TMEM131: variants seen among roughly 807,000 people sequenced by gnomAD.
TMEM131 encodes the protein 2610524E03Rik.
A neutral mutation model predicts 211.6 loss-of-function variants in TMEM131; 66 were observed. That is an observed-to-expected ratio of 0.31 (90% CI 0.26 to 0.38). The LOEUF (loss-of-function observed/expected upper bound fraction) is 0.38, where lower values mean the gene tolerates loss of function less well. TMEM131 is among the 10% of genes least tolerant of loss of function. The probability of loss-of-function intolerance (pLI) is 1.00; values close to 1 mark genes in which losing one functional copy is unlikely to be tolerated. For missense variants in TMEM131, 2,036 were observed against 2,299.3 expected (o/e 0.89, Z 2.34); for synonymous variants, 844 against 841.3 (o/e 1.00, Z -0.06).
At chr2:97,943,045 G>GAAAAGAAAAGA (rs767704233) in intron 1 of TMEM131, among the ~76,000 whole-genome samples, 6 of 52,708 alleles carry the variant, frequency 1.1e-4, no homozygotes, top group South Asian at 8.8e-4. Context: ...AGAAAAGAAA[G>GAAAAGAAAAGA]AAAGAAAGAA....
At chr2:97,918,056 G>T (rs1217517973) in intron 2 of TMEM131, among the ~76,000 whole-genome samples, 2 of 151,442 alleles carry the variant, frequency 1.3e-5, no homozygotes, top group African/African-American at 2.4e-5. Context: ...AAGCAATTCT[G>T]TGTCAGCCTC....
chr2:97,986,498 G>T (rs535726376), intron 1 of TMEM131, among the ~76,000 whole-genome samples: 1 of 152,086 alleles, frequency 6.6e-6, no homozygotes, highest in South Asian at 2.1e-4. Flanking sequence ...GAATTTCTAG[G>T]ATTCCAATAA....
intron 3 of TMEM131, among the ~76,000 whole-genome samples, chr2:97,894,497 T>G (rs754519378): frequency 5.9e-5 from 9 of 152,224 alleles, no homozygotes; most frequent in South Asian, 2.1e-4. Context: ...ACGATATTGA[T>G]TCTTCCTATC....
intron 4 of TMEM131, among the ~76,000 whole-genome samples, chr2:97,867,614 T>C (rs573700599): frequency 6.6e-5 from 10 of 152,326 alleles, no homozygotes; most frequent in African/African-American, 1.4e-4. Context: ...GTGAGCAAGA[T>C]TGGGTTCCCC....
chr2:97,848,565 C>G (rs1683553591), intron 5 of TMEM131, among the ~76,000 whole-genome samples: 1 of 152,092 alleles, frequency 6.6e-6, no homozygotes, highest in Non-Finnish European at 1.5e-5. Flanking sequence ...GTAGTTTATA[C>G]TGTATTATTT....
intron 1 of TMEM131, among the ~76,000 whole-genome samples, chr2:97,988,838 T>C (rs1017783793): frequency 1.3e-5 from 2 of 152,320 alleles, no homozygotes; most frequent in African/African-American, 4.8e-5. Flanking sequence ...GCAACCACTA[T>C]GGAAATGTGG....
At chr2:97,868,072 T>G (rs1674342472) in intron 4 of TMEM131, among the ~76,000 whole-genome samples, 1 of 152,228 alleles carries the variant, frequency 6.6e-6, no homozygotes, top group Non-Finnish European at 1.5e-5. Flanking sequence ...TATATTTGCT[T>G]CAAGTATTCG....
At chr2:97,805,242 T>G in intron 21 of TMEM131, 37 bp from the exon 22 acceptor site, 1 of 1,586,870 alleles carries the variant, frequency 6.3e-7, no homozygotes. Flanking sequence ...GCATCTATAC[T>G]CACTTGTCAA....
intron 5 of TMEM131, among the ~76,000 whole-genome samples, chr2:97,855,871 A>G (rs767053303): frequency 6.6e-6 from 1 of 152,188 alleles, no homozygotes; most frequent in Non-Finnish European, 1.5e-5. Context: ...TCCCAAAAAC[A>G]TGCATGGAAT....
intron 31 of TMEM131, among the ~76,000 whole-genome samples, chr2:97,777,484 G>A (rs1462277190): frequency 6.6e-6 from 1 of 152,022 alleles, no homozygotes; most frequent in Non-Finnish European, 1.5e-5. Flanking sequence ...TTTTTGAAGT[G>A]GTCGAAAAAA....
intron 4 of TMEM131, among the ~76,000 whole-genome samples, chr2:97,861,878 A>AAC (rs1674082681): frequency 6.6e-6 from 1 of 152,124 alleles, no homozygotes; most frequent in African/African-American, 2.4e-5. Flanking sequence ...GCCTTGAAGA[A>AAC]ACACACCTGG....
At chr2:97,911,658 T>G (rs184353050) in intron 2 of TMEM131, 4 of 985,086 alleles carry the variant, frequency 4.1e-6, no homozygotes, top group Admixed American at 6.2e-5. Context: ...AAGCAGATAC[T>G]CAATGCAAAG....
In TMEM131 at chr2:97,801,718, A is replaced by G. The variant is rs555587496; in HGVS notation, c.2718+177T>C. ...CTCAATGTGCCTCACCTTGATCTAA[A>G]TCCCACCTACTCTTCCTGATTTATT... On this transcript the variant is annotated intron_variant, in intron 25 of 40. Transcript: ENST00000186436. Among the ~76,000 whole-genome samples, 46 of 152,292 alleles carry G rather than the reference A, an allele frequency of 3.0e-4. 1 individual carries two copies. The highest frequency in any genetic ancestry group is 1.8e-4 in the Non-Finnish European group (12 of 68,018).
In TMEM131 at chr2:97,884,058, GTT is replaced by G. The variant is rs144975163; in HGVS notation, c.359+3992_359+3993del. Among the ~76,000 whole-genome samples the G allele has an allele frequency of 2.8e-3, 422 of 151,838 alleles. 3 individuals carry two copies. Among genetic ancestry groups the G allele is most frequent in the African/African-American group, 9.5e-3 (395 of 41,488 alleles). On this transcript the variant is annotated intron_variant, in intron 4 of 40. Transcript: ENST00000186436. ...CTAGTTTTTTGATGTAGGATTTATT[GTT>G]ATATAAATTTGCCTCTTAATATTGC...
chr2:97,832,770 T>C, intron 11 of TMEM131, among the ~76,000 whole-genome samples: 1 of 152,158 alleles, frequency 6.6e-6, no homozygotes, highest in East Asian at 1.9e-4. Flanking sequence ...TAGATATCCC[T>C]TTTTTTCCTA....
chr2:97,837,297 T>C, intron 7 of TMEM131, 140 bp from the exon 8 acceptor site: 1 of 582,224 alleles, frequency 1.7e-6, no homozygotes, highest in Non-Finnish European at 3.0e-6. Context: ...ATATGTATAA[T>C]ATCACTAAAT....
At chr2:97,845,408 G>A (rs1321558953) in intron 5 of TMEM131, among the ~76,000 whole-genome samples, 1 of 152,090 alleles carries the variant, frequency 6.6e-6, no homozygotes, top group African/African-American at 2.4e-5. Flanking sequence ...ATTCACACCT[G>A]AGCCAGAAAT....
intron 1 of TMEM131, among the ~76,000 whole-genome samples, chr2:97,934,906 T>C (rs1377615544): frequency 6.6e-6 from 1 of 151,932 alleles, no homozygotes; most frequent in African/African-American, 2.4e-5. Flanking sequence ...AATGTAAAAC[T>C]ATAAAACTTT....
chr2:97,993,897 C>T (rs577109144), intron 1 of TMEM131, among the ~76,000 whole-genome samples: 1 of 152,264 alleles, frequency 6.6e-6, no homozygotes, highest in South Asian at 2.1e-4. Context: ...AAATCAGCAG[C>T]AGTAGAAGGA....
Sources: allele counts gnomAD v4.1 joint callset (sites outside exome capture counted in the v4.1 genomes callset), GRCh38; gene constraint gnomAD v4.1.1; transcripts MANE v1.5; gene names NCBI Gene and HGNC (gene_info 2026-07-23, HGNC 2026-07-21).